Variants in ASPM observed in about 807,000 individuals in gnomAD.
ASPM encodes abnormal spindle-like microcephaly-associated protein.
Under a neutral mutation model 366.4 loss-of-function variants are expected in ASPM, and 256 were observed. The observed-to-expected ratio is 0.70, with a 90% CI of 0.63 to 0.77. The LOEUF (loss-of-function observed/expected upper bound fraction) is 0.77. Among genes scored for constraint, ASPM ranks in the 30% least tolerant of loss-of-function variants. ASPM has a pLI of 0.00. For missense variants in ASPM, 4,146 were observed against 4,090.4 expected (o/e 1.01, Z -0.37); for synonymous variants, 1,414 against 1,342.9 (o/e 1.05, Z -1.16).
At position 197,103,977 on chromosome 1, in the gene ASPM, T is replaced by A. The variant is rs767809948; in HGVS notation, c.5274A>T (p.Leu1758=). The change falls in exon 18 of 28, where the codon CTA becomes CTT. Residue 1758 remains leucine, a synonymous_variant. Transcript: ENST00000367409. The part of the protein sequence containing the change: ...MRLQRKAVIS[L]QSYFRMRKAR... ...CCTTTCTCATTCTGAAATAAGACTGTAGTGAAATAACAGCTTTTCTTTGTA... is the reference window on the plus strand; with the variant it reads ...CCTTTCTCATTCTGAAATAAGACTGAAGTGAAATAACAGCTTTTCTTTGTA... The A allele has an allele frequency of 6.2e-7, 1 of 1,612,482 alleles. No individual in the cohort carries two copies. Among genetic ancestry groups the A allele is most frequent in the Admixed American group, 1.7e-5 (1 of 59,842 alleles).
In ASPM at chr1:197,103,812, T is replaced by C; in HGVS notation, c.5439A>G (p.Arg1813=). The change falls in exon 18 of 28, where the codon AGA becomes AGG. Residue 1813 remains arginine, a synonymous_variant. Transcript: ENST00000367409. The part of the protein sequence containing the change: ...KAATCLQAAY[R]GYKVRQLIKQ... The stretch of plus-strand genomic sequence containing the variant: ...TGATTAGCTGGCGTACTTTATAACC[T>C]CTGTAAGCTGCTTGCAAGCAAGTAG... The C allele has an allele frequency of 1.9e-6, 3 of 1,613,014 alleles. No homozygotes were observed. Among genetic ancestry groups the C allele is most frequent in the Non-Finnish European group, 2.5e-6 (3 of 1,179,386 alleles).
chr1:197,124,070 T>TA (rs759617029), intron 13 of ASPM, 40 bp downstream of exon 13: 8 of 1,513,068 alleles, frequency 5.3e-6, no homozygotes, highest in Non-Finnish European at 5.5e-6. Flanking sequence ...CAAAATTTAT[T>TA]AAAATATATT....
chr1:197,142,318 AAAC>A lies in ASPM; in HGVS notation c.1921+10_1921+12del. 1.2e-6 allele frequency: 2 copies of A among 1,612,572 alleles called. No homozygotes were observed. Among genetic ancestry groups the A allele is most frequent in the Non-Finnish European group, 1.7e-6 (2 of 1,178,884 alleles). ...ACAGGTATACTTCAGTAGATTTTAT[AAAC>A]AAGACTCACCAGTTTTCTTCTTCAG... On this transcript the variant is annotated intron_variant, in intron 3 of 27. Transcript: ENST00000367409.
chr1:197,086,784 A>T lies in ASPM; in HGVS notation c.10331+19T>A. ...AATGAACAGTGACACAAATTTATGGACTATATTTAATTGCTTACCTTGAAA... is the reference window on the plus strand; with the variant it reads ...AATGAACAGTGACACAAATTTATGGTCTATATTTAATTGCTTACCTTGAAA... On this transcript the variant is annotated intron_variant, in intron 27 of 27. Transcript: ENST00000367409. The T allele has an allele frequency of 6.4e-7, 1 of 1,570,550 alleles. No individual in the cohort carries two copies. The highest frequency in any genetic ancestry group is 8.8e-7 in the Non-Finnish European group (1 of 1,140,924).
intron 18 of ASPM, among the ~76,000 whole-genome samples, chr1:197,097,973 T>C (rs1022106086): frequency 3.4e-5 from 5 of 149,008 alleles, no homozygotes; most frequent in Non-Finnish European, 7.4e-5. Flanking sequence ...TATGTATAGA[T>C]ATACGTGTGT....
At chr1:197,131,703 C>T (rs1420659311) in intron 7 of ASPM, among the ~76,000 whole-genome samples, 1 of 151,998 alleles carries the variant, frequency 6.6e-6, no homozygotes, top group Non-Finnish European at 1.5e-5. Context: ...GGACTACACG[C>T]GCCCACCATC....
chr1:197,116,259 T>C (rs1030160063), intron 17 of ASPM, among the ~76,000 whole-genome samples: 16 of 152,196 alleles, frequency 1.1e-4, no homozygotes, highest in African/African-American at 2.7e-4. Context: ...TAGAACTGAA[T>C]AGAGTTTGGG....
intron 7 of ASPM, 130 bp from the exon 8 acceptor site, chr1:197,130,186 C>T: frequency 1.1e-6 from 1 of 947,980 alleles, no homozygotes. Flanking sequence ...TGGTTATTTG[C>T]TAAATAACTT....
At chr1:197,139,304 CCCA>C in intron 4 of ASPM, 1 of 843,108 alleles carries the variant, frequency 1.2e-6, no homozygotes, top group East Asian at 2.5e-5. Flanking sequence ...AGGATAACAG[CCCA>C]TGTTTTTGGC....
In ASPM at chr1:197,103,645, G is replaced by T. The variant is rs886045772; in HGVS notation, c.5606C>A (p.Thr1869Lys). The T allele has an allele frequency of 6.2e-7, 1 of 1,612,712 alleles. No individual in the cohort carries two copies. Among genetic ancestry groups the T allele is most frequent in the Non-Finnish European group, 8.5e-7 (1 of 1,179,372 alleles). Residue 1869 changes from threonine (T) to lysine (K), a missense_variant, in exon 18 of 28, where the codon ACA (threonine) becomes AAA (lysine). This residue lies in a region of ASPM where 3,624 missense variants were observed against 3,591.7 expected (regional missense o/e 1.01). Coordinates refer to ENST00000367409, the MANE Select transcript of ASPM (RefSeq NM_018136.5). ...AGCTGCCTTTGTCTTCAAAAAATGT[G>T]TTCTTGTATCATGAAGAGTCTTGTA... ...RAYKTLHDTRTHFLKTKAAVI... is the reference protein window; with the variant it reads ...RAYKTLHDTRKHFLKTKAAVI...
At position 197,143,246 on chromosome 1, in the gene ASPM, T is replaced by A; in HGVS notation, c.1006A>T (p.Thr336Ser). 1 of 1,612,474 alleles carries A rather than the reference T, an allele frequency of 6.2e-7. No homozygotes were observed. Among genetic ancestry groups the A allele is most frequent in the Non-Finnish European group, 8.5e-7 (1 of 1,178,694 alleles). The change falls in exon 3 of 28, where the codon ACA becomes TCA. Residue 336 changes from threonine to serine, a missense_variant. Coordinates refer to ENST00000367409, the MANE Select transcript of ASPM (RefSeq NM_018136.5). ...HGANNELELV[T>S]CLSSDMFMKD... ...ATAAACATATCTGATGAAAGACATG[T>A]TACTAATTCTAGTTCATTATTAGCT... is the stretch of plus-strand genomic sequence containing the variant.
At chr1:197,127,186 C>T (rs1042630200) in intron 10 of ASPM, among the ~76,000 whole-genome samples, 4 of 152,014 alleles carry the variant, frequency 2.6e-5, no homozygotes, top group Admixed American at 2.0e-4. Context: ...TATCTCTAGT[C>T]GAAACAAAGA....
chr1:197,102,180 C>G lies in ASPM; in HGVS notation c.7071G>C (p.Leu2357Phe). Residue 2357 changes from leucine to phenylalanine, a missense_variant, in exon 18 of 28, where the codon TTG (leucine) becomes TTC (phenylalanine). Physicochemically the swap from Leu to Phe is conservative, Grantham distance 22. Around this residue, in one of 3 missense-constraint regions of ASPM, gnomAD observed 3,624 missense variants for 3,591.7 expected, o/e 1.01. Coordinates refer to ENST00000367409, the MANE Select transcript of ASPM (RefSeq NM_018136.5). ...MHRLHMRYQA[L>F]KQASVVIQQQ... The stretch of plus-strand genomic sequence containing the variant: ...GTTGGATCACAACGGAGGCCTGTTT[C>G]AAAGCCTGATATCTCATATGTAATC... The G allele has an allele frequency of 6.2e-7, 1 of 1,612,796 alleles. No homozygotes were observed. The highest frequency in any genetic ancestry group is 8.5e-7 in the Non-Finnish European group (1 of 1,179,278).
At chr1:197,109,124 AAAAAT>A (rs933320191) in intron 17 of ASPM, among the ~76,000 whole-genome samples, 6 of 152,086 alleles carry the variant, frequency 3.9e-5, no homozygotes, top group East Asian at 1.9e-4. Context: ...AAAAGAGGAA[AAAAAT>A]AAAATAAAAT....
chr1:197,096,216 T>C (rs757947860), intron 18 of ASPM, 52 bp from the exon 19 acceptor site: 2 of 1,442,206 alleles, frequency 1.4e-6, no homozygotes, highest in Non-Finnish European at 9.7e-7. Context: ...TCTTTTTTTT[T>C]GTAAATAAGA....
At chr1:197,107,069 T>C (rs763820719) in intron 17 of ASPM, among the ~76,000 whole-genome samples, 1 of 152,012 alleles carries the variant, frequency 6.6e-6, no homozygotes, top group Non-Finnish European at 1.5e-5. Context: ...TGTAACTCAA[T>C]CTTCAGTTTT....
chr1:197,104,501 T>A lies in ASPM; in HGVS notation c.4750A>T (p.Lys1584Ter). 9.3e-6 allele frequency: 15 copies of A among 1,612,586 alleles called. No individual in the cohort carries two copies. The highest frequency in any genetic ancestry group is 1.3e-5 in the Non-Finnish European group (15 of 1,179,264). The change falls in exon 18 of 28, where the codon AAG becomes TAG. Residue 1584 changes from lysine (K) to a stop codon, truncating the protein, a stop_gained. Transcript: ENST00000367409. LOFTEE classifies it high-confidence loss of function. ...QDRVRFLNLK[K>*]TIIKFQAHVR... ...TGTGCCTGAAATTTGATAATAGTCTTCTTAAGGTTTAAAAATCGAACTCTG... is the reference window on the plus strand; with the variant it reads ...TGTGCCTGAAATTTGATAATAGTCTACTTAAGGTTTAAAAATCGAACTCTG...
At chr1:197,142,277 A>T in intron 3 of ASPM, 54 bp downstream of exon 3, 1 of 1,561,756 alleles carries the variant, frequency 6.4e-7, no homozygotes, top group Non-Finnish European at 8.8e-7. Context: ...CTAAACCAAA[A>T]GGAAGTATCC....
intron 20 of ASPM, 111 bp from the exon 21 acceptor site, chr1:197,093,372 T>C (rs1380903839): frequency 3.4e-6 from 3 of 890,654 alleles, no homozygotes; most frequent in Non-Finnish European, 5.5e-6. Context: ...ATTTATAGTC[T>C]AAGAATGCCA....
Sources: gnomAD v4.1 joint callset for allele counts (sites outside exome capture counted in the v4.1 genomes callset) on GRCh38, gnomAD v4.1.1 for gene constraint, gnomAD v4.1.1 regional missense constraint, MANE v1.5 for transcripts, NCBI Gene and HGNC (gene_info 2026-07-23, HGNC 2026-07-21) for gene names.